The following DST variants were observed in gnomAD, a reference collection of about 807,000 sequenced individuals.
DST encodes bullous pemphigoid antigen.
DST carries 253 observed loss-of-function variants against 875.2 expected under a neutral mutation model. The observed-to-expected ratio is 0.29, with a 90% CI of 0.26 to 0.32. DST has a LOEUF of 0.32. Ranked by LOEUF, DST falls within the 10% of genes least tolerant of loss-of-function variation. DST has a pLI of 1.00. For missense variants in DST, 8,287 were observed against 9,111.6 expected, an observed-to-expected ratio of 0.91 and a Z score of 3.68; for synonymous variants, 3,124 against 3,197.1, an observed-to-expected ratio of 0.98 and a Z score of 0.77.
At chr6:56,814,995 G>A (rs1380003978) in intron 4 of DST, among the ~76,000 whole-genome samples, 6 of 152,156 alleles carry the variant, frequency 3.9e-5, no homozygotes, top group Middle Eastern at 3.2e-3. Flanking sequence ...AGGCTGCAGA[G>A]CCACACAGCC....
At chr6:56,471,330 T>C in intron 94 of DST, 62 bp from the exon 95 acceptor site, 2 of 1,237,746 alleles carry the variant, frequency 1.6e-6, no homozygotes, top group Non-Finnish European at 1.1e-6. Flanking sequence ...GACTATACTA[T>C]ATGAATAACT....
At chr6:56,797,829 A>AG (rs1278594993) in intron 4 of DST, among the ~76,000 whole-genome samples, 34 of 151,846 alleles carry the variant, frequency 2.2e-4, no homozygotes, top group African/African-American at 8.2e-4. Flanking sequence ...AAAAAAAAAA[A>AG]AAAAAAAAGC....
chr6:56,697,949 C>T (rs1232542204), intron 9 of DST, among the ~76,000 whole-genome samples: 1 of 152,184 alleles, frequency 6.6e-6, no homozygotes, highest in Non-Finnish European at 1.5e-5. Context: ...TTCTGCGCTT[C>T]ATGCCAAATT....
chr6:56,693,147 C>T (rs2099243371), intron 9 of DST: 3 of 1,280,626 alleles, frequency 2.3e-6, no homozygotes, highest in African/African-American at 1.5e-5. Flanking sequence ...AGACATTCCC[C>T]ATTTGATTTG....
chr6:56,761,308 C>G (rs2099616656), intron 4 of DST, among the ~76,000 whole-genome samples: 1 of 152,178 alleles, frequency 6.6e-6, no homozygotes, highest in South Asian at 2.1e-4. Flanking sequence ...TTATTAAACG[C>G]TTACTGATTT....
intron 31 of DST, among the ~76,000 whole-genome samples, chr6:56,629,732 T>C (rs2098762057): frequency 6.6e-6 from 1 of 152,146 alleles, no homozygotes; most frequent in Non-Finnish European, 1.5e-5. Flanking sequence ...ATTAATAAAA[T>C]ATGTCTTTTT....
chr6:56,613,893 C>T (rs2098580812), intron 37 of DST, among the ~76,000 whole-genome samples: 1 of 152,166 alleles, frequency 6.6e-6, no homozygotes, highest in South Asian at 2.1e-4. Flanking sequence ...CAGAAAAGCA[C>T]AACTAAAGTC....
In DST at chr6:56,615,655, T is replaced by C. The variant is rs768319990; in HGVS notation, c.4930-1171A>G. 13 of 1,614,074 alleles carry C rather than the reference T, an allele frequency of 8.1e-6. No homozygotes were observed. The East Asian group carries it at 2.7e-4, about 33-fold the overall frequency. ...TCAACTTTCTTTTTGTCTGAGGGCA[T>C]ATTATATTTCTGACATATGACTTTT... On this transcript the variant is annotated intron_variant, in intron 36 of 103. Coordinates refer to ENST00000680361, the MANE Select transcript of DST (RefSeq NM_001374736.1).
intron 4 of DST, among the ~76,000 whole-genome samples, chr6:56,824,112 G>A (rs1335845482): frequency 1.3e-5 from 2 of 152,118 alleles, no homozygotes; most frequent in Admixed American, 1.3e-4. Context: ...CTCCCTGCCT[G>A]ATTCTCCTGC....
chr6:56,954,336 C>CCG, intron 1 of DST, 71 bp downstream of exon 1: 3 of 1,185,708 alleles, frequency 2.5e-6, no homozygotes, highest in Non-Finnish European at 3.3e-6. Flanking sequence ...AGGGAGCGAG[C>CCG]CGCGCTTCAC....
At chr6:56,585,540 A>C (rs2098129704) in intron 49 of DST, among the ~76,000 whole-genome samples, 1 of 152,084 alleles carries the variant, frequency 6.6e-6, no homozygotes, top group Non-Finnish European at 1.5e-5. Context: ...CCTTTCAAAA[A>C]ACCAGCTCCT....
intron 4 of DST, among the ~76,000 whole-genome samples, chr6:56,782,496 C>T (rs2099696132): frequency 6.6e-6 from 1 of 152,172 alleles, no homozygotes; most frequent in Non-Finnish European, 1.5e-5. Context: ...TCTAGATTTT[C>T]TAGTTTATTT....
chr6:56,740,879 C>A (rs1176617060), intron 4 of DST, among the ~76,000 whole-genome samples: 1 of 151,726 alleles, frequency 6.6e-6, no homozygotes. Context: ...CAACCAAGGC[C>A]CCTGATGCTA....
At chr6:56,890,057 T>C (rs1474355036) in intron 3 of DST, among the ~76,000 whole-genome samples, 2 of 152,038 alleles carry the variant, frequency 1.3e-5, no homozygotes, top group Non-Finnish European at 1.5e-5. Context: ...CTGATGAGGA[T>C]AAATGTCTAG....
intron 10 of DST, among the ~76,000 whole-genome samples, chr6:56,665,669 G>A (rs1328431435): frequency 6.6e-6 from 1 of 151,950 alleles, no homozygotes; most frequent in Non-Finnish European, 1.5e-5. Flanking sequence ...CCATAAAGAC[G>A]GCAACAACCA....
intron 4 of DST, among the ~76,000 whole-genome samples, chr6:56,807,082 G>A (rs750684175): frequency 1.7e-4 from 26 of 151,990 alleles, no homozygotes; most frequent in Non-Finnish European, 2.6e-4. Context: ...ACAGGGTCTC[G>A]CTCTGTCCCC....
At position 56,624,619 on chromosome 6, in the gene DST, G is replaced by A. The variant is rs2098717399; in HGVS notation, c.4840C>T (p.Leu1614=). The A allele has an allele frequency of 2.5e-6, 4 of 1,609,910 alleles. No homozygotes were observed. The highest frequency in any genetic ancestry group is 1.1e-5 in the South Asian group (1 of 90,970). ...ACCAGGGCAGTATATCGAGTCCTTA[G>A]GTCCATGAACTGCAAGTAAGGAAAA... ...ADLIIQEFMD[L]RTRYTALVTL... Residue 1614 remains leucine (L), a synonymous_variant, in exon 36 of 104, where the codon CTA becomes TTA. Coordinates refer to ENST00000680361, the MANE Select transcript of DST (RefSeq NM_001374736.1).
intron 4 of DST, chr6:56,843,278 G>A: frequency 1.6e-6 from 2 of 1,251,298 alleles, no homozygotes; most frequent in Non-Finnish European, 2.0e-6. Context: ...GGAGAAGCAC[G>A]GAAGCCGAAG....
At chr6:56,807,301 C>G (rs751971332) in intron 4 of DST, among the ~76,000 whole-genome samples, 9 of 152,210 alleles carry the variant, frequency 5.9e-5, no homozygotes, top group Non-Finnish European at 1.2e-4. Flanking sequence ...GTTGTGATTA[C>G]AGGTGTGAGC....
Sources: gnomAD v4.1 joint callset for allele counts (sites outside exome capture counted in the v4.1 genomes callset) on GRCh38, gnomAD v4.1.1 for gene constraint, MANE v1.5 for transcripts, NCBI Gene and HGNC (gene_info 2026-07-23, HGNC 2026-07-21) for gene names.